KLHL14: variants seen among roughly 807,000 people sequenced by gnomAD.
KLHL14 encodes the protein kelch like family member 14.
Under a neutral mutation model 64.3 loss-of-function variants are expected in KLHL14, and 22 were observed. The ratio of observed to expected loss-of-function variants is 0.34; its 90% CI spans 0.24 to 0.49. The LOEUF (loss-of-function observed/expected upper bound fraction) is 0.49, where lower values mean the gene tolerates loss of function less well. KLHL14 is among the 20% of genes least tolerant of loss of function. The probability of loss-of-function intolerance (pLI) is 0.99; values close to 1 mark genes in which losing one functional copy is unlikely to be tolerated. For missense variants in KLHL14, 661 were observed against 789.0 expected (o/e 0.84, Z 1.94); for synonymous variants, 322 against 333.4 (o/e 0.97, Z 0.37).
intron 3 of KLHL14, among the ~76,000 whole-genome samples, chr18:32,724,520 T>C (rs2144513605): frequency 6.6e-6 from 1 of 152,334 alleles, no homozygotes; most frequent in East Asian, 1.9e-4. Flanking sequence ...AGCCAGTTGC[T>C]TGGGCTCCAG....
chr18:32,692,158 G>A (rs142202990), intron 4 of KLHL14, among the ~76,000 whole-genome samples: 1 of 152,216 alleles, frequency 6.6e-6, no homozygotes, highest in East Asian at 1.9e-4. Context: ...AACCTTATGT[G>A]TGTATTTTGA....
intron 3 of KLHL14, among the ~76,000 whole-genome samples, chr18:32,699,949 T>C (rs2049956432): frequency 6.6e-6 from 1 of 151,706 alleles, no homozygotes; most frequent in South Asian, 2.1e-4. Context: ...TTTTAAACAG[T>C]AAGGACATAT....
intron 3 of KLHL14, among the ~76,000 whole-genome samples, chr18:32,718,178 G>A (rs1170725618): frequency 6.6e-6 from 1 of 152,110 alleles, no homozygotes; most frequent in Non-Finnish European, 1.5e-5. Flanking sequence ...ATTTAATTAT[G>A]TTATTTCTCT....
At chr18:32,674,823 TA>T (rs1458250936) in intron 8 of KLHL14, 26 bp from the exon 9 acceptor site, 2 of 776,006 alleles carry the variant, frequency 2.6e-6, no homozygotes, top group Non-Finnish European at 4.8e-6. Context: ...AGGGAGCATT[TA>T]GAGAAGGAAG....
At chr18:32,696,665 C>CTTTTTTTTTTTTTTTTTTTTTTTTTTTTT (rs2049938144) in intron 3 of KLHL14, among the ~76,000 whole-genome samples, 1 of 152,254 alleles carries the variant, frequency 6.6e-6, no homozygotes, top group African/African-American at 2.4e-5. Flanking sequence ...CCAACTCTTA[C>CTTTTTTTTTTTTTTTTTTTTTTTTTTTTT]TTTGTGCTCC....
At chr18:32,743,249 C>G (rs1165886024) in intron 2 of KLHL14, 1 of 152,224 alleles carries the variant, frequency 6.6e-6, no homozygotes. Context: ...GTGATGATCA[C>G]AAGCCCACGG....
rs147305965 is a variant in KLHL14, at chr18:32,677,295, A to G, written c.1624T>C (p.Tyr542His). The stretch of plus-strand genomic sequence containing the variant: ...TTCCACTGGTCACCTTTTGGGTCAT[A>G]GCATTCCACAAGCATTACATCAAGG... ...SHLDVMLVEC[Y>H]DPKGDQWNIL... The change falls in exon 8 of 9, where the codon TAT (tyrosine) becomes CAT (histidine). Residue 542 changes from tyrosine (Y) to histidine (H), a missense_variant. Around this residue, in one of 2 missense-constraint regions of KLHL14, gnomAD observed 330 missense variants for 450.0 expected, o/e 0.73. Transcript: ENST00000359358. 1,031 of 1,613,280 alleles carry G rather than the reference A, an allele frequency of 6.4e-4. 1 individual carries two copies. The highest frequency in any genetic ancestry group is 8.3e-4 in the Non-Finnish European group (977 of 1,179,578).
rs1568088265 is a variant in KLHL14, at chr18:32,770,822, G to A, written c.-43-188C>T. 4.0e-6 allele frequency: 2 copies of A among 497,038 alleles called. No homozygotes were observed. Among genetic ancestry groups the A allele is most frequent in the Non-Finnish European group, 7.1e-6 (2 of 281,824 alleles). The allele number at this position is 497,038 out of a possible 1,614,324, so 30.8% of individuals were successfully genotyped here. A position where few individuals can be genotyped will look rare whatever the true frequency, so the allele number is the denominator to read the frequency against. On this transcript the variant is annotated intron_variant, in intron 1 of 8. Coordinates refer to ENST00000359358, the MANE Select transcript of KLHL14 (RefSeq NM_020805.3). This position sits in a 1 kb window ranked among gnomAD's most constrained non-coding sequence, Gnocchi z 6.7. ...AGGAAAGTCCGAAGACGCTGGATCC[G>A]TGAGCGCCACCAGAAGGGCCCTGTC...
chr18:32,698,187 T>C (rs2049945933), intron 3 of KLHL14, among the ~76,000 whole-genome samples: 1 of 152,196 alleles, frequency 6.6e-6, no homozygotes, highest in African/African-American at 2.4e-5. Context: ...AAAATGGCCT[T>C]GGGTACTGTA....
At chr18:32,752,523 T>C (rs2050260095) in intron 2 of KLHL14, among the ~76,000 whole-genome samples, 1 of 152,206 alleles carries the variant, frequency 6.6e-6, no homozygotes, top group Non-Finnish European at 1.5e-5. Flanking sequence ...CGTTATCACG[T>C]TCATCATTTT....
intron 3 of KLHL14, among the ~76,000 whole-genome samples, chr18:32,741,509 A>G (rs1276514504): frequency 1.3e-5 from 2 of 152,252 alleles, no homozygotes; most frequent in African/African-American, 2.4e-5. Context: ...AAATGCCTAA[A>G]AAGCAACATG....
chr18:32,740,268 A>G (rs1598571772), intron 3 of KLHL14, among the ~76,000 whole-genome samples: 1 of 152,200 alleles, frequency 6.6e-6, no homozygotes, highest in Admixed American at 6.5e-5. Context: ...AGTGTGGACA[A>G]TGTTTAACAA....
intron 3 of KLHL14, among the ~76,000 whole-genome samples, chr18:32,697,113 T>G (rs2049940654): frequency 6.6e-6 from 1 of 152,220 alleles, no homozygotes; most frequent in African/African-American, 2.4e-5. Context: ...AAGAATGTCC[T>G]TTAGCCCATG....
rs765533940 is a variant in KLHL14 at position 32,770,393 on chromosome 18, G to A, written c.199C>T (p.Pro67Ser). The change falls in exon 2 of 9, where the codon CCT becomes TCT. Residue 67 changes from proline (P) to serine (S), a missense_variant. By Grantham distance (74) the Pro-to-Ser change is moderately conservative (BLOSUM62 -1). Coordinates refer to ENST00000359358, the MANE Select transcript of KLHL14 (RefSeq NM_020805.3). This position sits in a 1 kb window ranked among gnomAD's most constrained non-coding sequence, Gnocchi z 6.7. ...YFRSLFSSHP[P>S]LGGGVGGQDG... ...TGGCCGCCGACCCCTCCCCCGAGAG[G>A]GGGGTGGCTGGAGAAGAGCGATCGG... is the stretch of plus-strand genomic sequence containing the variant. The A allele has an allele frequency of 6.3e-7, 1 of 1,597,318 alleles. No homozygotes were observed.
At chr18:32,722,704 T>A (rs7231950) in intron 3 of KLHL14, among the ~76,000 whole-genome samples, 7,292 of 152,110 alleles carry the variant, frequency 0.048, 530 homozygotes, top group African/African-American at 0.16. Context: ...GGTTCACACA[T>A]GTAATCTCAG....
At chr18:32,757,300 G>A (rs973579751) in intron 2 of KLHL14, among the ~76,000 whole-genome samples, 1 of 152,158 alleles carries the variant, frequency 6.6e-6, no homozygotes, top group South Asian at 2.1e-4. Flanking sequence ...TGTCCTTAAG[G>A]AAAACTGCCA....
At chr18:32,756,582 C>G (rs2050283200) in intron 2 of KLHL14, among the ~76,000 whole-genome samples, 1 of 152,104 alleles carries the variant, frequency 6.6e-6, no homozygotes, top group Non-Finnish European at 1.5e-5. Context: ...AAGAGGTGTC[C>G]CTTTTCCTGG....
In KLHL14 at chr18:32,753,431, C is replaced by T. The variant is rs537292394; in HGVS notation, c.948-11382G>A. ...CGCCCCTTCACTTCTCATCCCGCCC[C>T]TGTGGCTCACATGGGTCCTCCACAA... On this transcript the variant is annotated intron_variant, in intron 2 of 8. Transcript: ENST00000359358. Among the ~76,000 whole-genome samples the T allele has an allele frequency of 3.9e-5, 6 of 152,242 alleles. No homozygotes were observed. In the South Asian group the frequency reaches 1.2e-3, roughly 32 times the overall value.
intron 8 of KLHL14, 107 bp from the exon 9 acceptor site, chr18:32,674,904 C>T: frequency 1.6e-6 from 1 of 615,206 alleles, no homozygotes. Context: ...ATCTGTTCTC[C>T]ATTCTTGCTA....
Sources: gnomAD v4.1 joint callset for allele counts (sites outside exome capture counted in the v4.1 genomes callset) on GRCh38, gnomAD v4.1.1 for gene constraint, gnomAD v4.1.1 regional missense constraint, Gnocchi (gnomAD v3.1) non-coding constraint, MANE v1.5 for transcripts, NCBI Gene and HGNC (gene_info 2026-07-23, HGNC 2026-07-21) for gene names.